Variants in BIN2 observed in about 807,000 individuals in gnomAD.
The protein encoded by BIN2 is breast cancer associated protein BRAP1.
BIN2 carries 43 observed loss-of-function variants against 67.9 expected under a neutral mutation model. The observed-to-expected ratio is 0.63, with a 90% CI of 0.50 to 0.82. The LOEUF is 0.82. Ranked by LOEUF, BIN2 falls within the 40% of genes least tolerant of loss-of-function variation. The pLI is 0.00. For missense variants in BIN2, 581 were observed against 671.6 expected (o/e 0.87, Z 1.49); for synonymous variants, 244 against 246.8 (o/e 0.99, Z 0.11).
intron 1 of BIN2, among the ~76,000 whole-genome samples, chr12:51,319,525 A>G (rs184614070): frequency 7.6e-4 from 116 of 152,332 alleles, no homozygotes; most frequent in African/African-American, 2.6e-3. Context: ...TCACTTCCTA[A>G]TGAAAACCCA....
At chr12:51,288,582 G>C (rs1424900594) in intron 10 of BIN2, among the ~76,000 whole-genome samples, 1 of 151,892 alleles carries the variant, frequency 6.6e-6, no homozygotes, top group Non-Finnish European at 1.5e-5. Flanking sequence ...AGGAAGGCAG[G>C]GTATTTTGTT....
chr12:51,289,690 T>G (rs765139875), intron 10 of BIN2, among the ~76,000 whole-genome samples: 28 of 152,130 alleles, frequency 1.8e-4, no homozygotes, highest in Non-Finnish European at 3.4e-4. Context: ...TTCAATGGGT[T>G]GGCATCTCTC....
At chr12:51,317,147 A>AT in intron 1 of BIN2, among the ~76,000 whole-genome samples, 1 of 152,208 alleles carries the variant, frequency 6.6e-6, no homozygotes, top group Non-Finnish European at 1.5e-5. Flanking sequence ...AAGTGCTGGG[A>AT]TTACAGGTGT....
chr12:51,305,487 G>A (rs1945843636), intron 2 of BIN2, among the ~76,000 whole-genome samples: 1 of 151,602 alleles, frequency 6.6e-6, no homozygotes. Flanking sequence ...AGCCAGGCAT[G>A]GTGGCACGCA....
upstream of BIN2, chr12:51,324,564 T>C (rs1349206700): frequency 1.3e-6 from 2 of 1,512,292 alleles, no homozygotes; most frequent in Admixed American, 2.1e-5. Flanking sequence ...AGCCGCCATG[T>C]ACACTGCGTT....
chr12:51,322,139 G>T (rs1035942522), intron 1 of BIN2, among the ~76,000 whole-genome samples: 2 of 143,306 alleles, frequency 1.4e-5, no homozygotes, highest in African/African-American at 4.9e-5. Context: ...TCTTTGGGAA[G>T]TATTTGACTC....
chr12:51,320,094 T>TCCTGCC (rs1022763492), intron 1 of BIN2, among the ~76,000 whole-genome samples: 95 of 152,272 alleles, frequency 6.2e-4, no homozygotes, highest in African/African-American at 2.1e-3. Context: ...CAAGCGATTC[T>TCCTGCC]CCTGCCTCAG....
chr12:51,299,487 G>A (rs1945660480), intron 6 of BIN2, 120 bp downstream of exon 6: 1 of 1,051,706 alleles, frequency 9.5e-7, no homozygotes, highest in Non-Finnish European at 1.5e-6. Context: ...ATTTCCTTTA[G>A]GACACTGGAT....
chr12:51,298,894 C>A lies in BIN2; in HGVS notation c.602+309G>T, dbSNP rs1179829838. ...GACCAGCCTGGGCAACATGGTGAAA[C>A]CCCATCTCTACTAAAAATACAAAAA... On this transcript the variant is annotated intron_variant, in intron 7 of 12. Transcript: ENST00000615107. Among the ~76,000 whole-genome samples the A allele has an allele frequency of 2.0e-5, 3 of 151,924 alleles. No individual in the cohort carries two copies. The East Asian group carries it at 5.8e-4, about 30-fold the overall frequency.
chr12:51,302,868 C>A, intron 3 of BIN2, 88 bp from the exon 4 acceptor site: 1 of 1,272,704 alleles, frequency 7.9e-7, no homozygotes, highest in Non-Finnish European at 1.1e-6. Flanking sequence ...GGTTCCAATT[C>A]AGAAGGACAA....
At chr12:51,316,328 C>CAAAAAA (rs3059178) in intron 1 of BIN2, among the ~76,000 whole-genome samples, 1 of 123,298 alleles carries the variant, frequency 8.1e-6, no homozygotes, top group African/African-American at 3.0e-5. Flanking sequence ...ACTAAAAATA[C>CAAAAAA]AAAAAAAAAA....
intron 10 of BIN2, among the ~76,000 whole-genome samples, chr12:51,290,558 G>A (rs1022256202): frequency 3.3e-5 from 5 of 152,002 alleles, no homozygotes; most frequent in Non-Finnish European, 7.4e-5. Flanking sequence ...TGGGCGAGGT[G>A]GCTCACGCCT....
intron 7 of BIN2, 109 bp downstream of exon 7, chr12:51,299,094 C>G (rs113652520): frequency 0.12 from 29,248 of 248,002 alleles, 291 homozygotes; most frequent in African/African-American, 0.19. Flanking sequence ...AAAAAGGGGG[C>G]GGGGCAGTGT....
chr12:51,317,709 C>T (rs1946169728), intron 1 of BIN2, among the ~76,000 whole-genome samples: 1 of 151,964 alleles, frequency 6.6e-6, no homozygotes, highest in South Asian at 2.1e-4. Context: ...AAAAAAAAGG[C>T]CGGGAGCGGT....
chr12:51,314,627 C>T (rs1946076717), intron 1 of BIN2, among the ~76,000 whole-genome samples: 1 of 151,762 alleles, frequency 6.6e-6, no homozygotes, highest in African/African-American at 2.4e-5. Flanking sequence ...TGGATAAACC[C>T]CATCTCTACT....
intron 2 of BIN2, among the ~76,000 whole-genome samples, chr12:51,303,756 G>A (rs1376512776): frequency 6.6e-6 from 1 of 152,046 alleles, no homozygotes; most frequent in Non-Finnish European, 1.5e-5. Context: ...TTCAGACAAG[G>A]GCTCCTCCTC....
chr12:51,311,730 A>G (rs116716523), intron 2 of BIN2, among the ~76,000 whole-genome samples: 19,852 of 151,864 alleles, frequency 0.13, 1,430 homozygotes, highest in East Asian at 0.24. Flanking sequence ...ATGGTATTGT[A>G]GTTACATTTT....
upstream of BIN2, chr12:51,324,610 A>C (rs1253009268): frequency 6.6e-6 from 9 of 1,364,446 alleles, no homozygotes; most frequent in Admixed American, 1.9e-4. Flanking sequence ...TGGAACTGGT[A>C]GGGATAGAGT....
At position 51,281,589 on chromosome 12, in the gene BIN2, G is replaced by A. The variant is rs1156431013; in HGVS notation, c.1669-61C>T. Reference sequence around the variant, plus strand: ...TGCCTTCCCACCAACCACTTATGGAGGGGTTAAACTCAGTTTGCTTCTACT... The same window carrying A: ...TGCCTTCCCACCAACCACTTATGGAAGGGTTAAACTCAGTTTGCTTCTACT... On this transcript the variant is annotated intron_variant, in intron 12 of 12. Transcript: ENST00000615107. 2.6e-6 allele frequency: 4 copies of A among 1,564,160 alleles called. No homozygotes were observed. The Admixed American group carries it at 6.7e-5, about 26-fold the overall frequency.
Sources: gnomAD v4.1 joint callset for allele counts (sites outside exome capture counted in the v4.1 genomes callset) on GRCh38, gnomAD v4.1.1 for gene constraint, MANE v1.5 for transcripts, NCBI Gene and HGNC (gene_info 2026-07-23, HGNC 2026-07-21) for gene names.